Variants in ADGRD1 observed in about 807,000 individuals in gnomAD.
ADGRD1 encodes the protein G-protein coupled receptor 133.
ADGRD1 carries 77 observed loss-of-function variants against 113.4 expected under a neutral mutation model. The ratio of observed to expected loss-of-function variants is 0.68; its 90% CI spans 0.57 to 0.82. The LOEUF is 0.82. ADGRD1 is among the 40% of genes least tolerant of loss of function. The pLI is 0.00. For synonymous variants in ADGRD1, 474 were observed against 475.0 expected (o/e 1.00, Z 0.03); for missense variants, 1,036 against 1,139.1 (o/e 0.91, Z 1.30).
intron 8 of ADGRD1, among the ~76,000 whole-genome samples, chr12:130,996,535 A>C (rs1875395565): frequency 9.2e-6 from 1 of 108,914 alleles, no homozygotes; most frequent in African/African-American, 3.6e-5. Context: ...CGGGGGGCTG[A>C]CCCTCCACCT....
intron 4 of ADGRD1, among the ~76,000 whole-genome samples, chr12:130,976,224 ACT>A (rs34824690): frequency 0.79 from 119,308 of 151,916 alleles, 50,656 homozygotes; most frequent in East Asian, 0.95. Flanking sequence ...GGATCTAGCT[ACT>A]CTCTTACTCA....
rs1032483145 is a variant in ADGRD1 at position 131,140,971 on chromosome 12, G to A, written c.*1708G>A. ...CAGTGAAGAGTCCCATGTTTAGTAT[G>A]GACTAAAGTCCCATGTTTAGCCACT... is the stretch of plus-strand genomic sequence containing the variant. On this transcript the variant is annotated 3_prime_UTR_variant, in exon 25 of 25. Transcript: ENST00000261654. 2 of 152,240 alleles carry A rather than the reference G, an allele frequency of 1.3e-5. No individual in the cohort carries two copies. Among genetic ancestry groups the A allele is most frequent in the African/African-American group, 4.8e-5 (2 of 41,460 alleles). 9.4% of individuals were successfully genotyped at this position (152,240 alleles called of 1,614,324 possible).
intron 3 of ADGRD1, chr12:130,968,800 C>T (rs1871291621): frequency 3.4e-6 from 2 of 588,894 alleles, no homozygotes; most frequent in African/African-American, 1.9e-5. Context: ...GAGCTGCTGA[C>T]CAAAGTAAAC....
intron 13 of ADGRD1, among the ~76,000 whole-genome samples, chr12:131,018,187 C>T (rs1050721579): frequency 7.2e-5 from 11 of 152,128 alleles, no homozygotes; most frequent in Admixed American, 4.6e-4. Context: ...TCCGCTCTCC[C>T]GCCCAGGCAG....
At chr12:130,976,278 T>C (rs1872296035) in intron 4 of ADGRD1, among the ~76,000 whole-genome samples, 1 of 152,148 alleles carries the variant, frequency 6.6e-6, no homozygotes, top group Non-Finnish European at 1.5e-5. Flanking sequence ...GTGGAGCAGA[T>C]GATCCTCAGA....
At chr12:131,010,720 G>A (rs1356967651) in intron 12 of ADGRD1, among the ~76,000 whole-genome samples, 1 of 152,178 alleles carries the variant, frequency 6.6e-6, no homozygotes, top group African/African-American at 2.4e-5. Context: ...GCACATTGAA[G>A]GAAGGCGGAT....
chr12:131,018,013 C>G (rs1878838836), intron 13 of ADGRD1, among the ~76,000 whole-genome samples: 2 of 152,214 alleles, frequency 1.3e-5, no homozygotes, highest in Admixed American at 6.5e-5. Flanking sequence ...CCTCAGTACA[C>G]CACACACACC....
intron 4 of ADGRD1, among the ~76,000 whole-genome samples, chr12:130,980,381 G>A (rs1475146996): frequency 6.6e-6 from 1 of 151,418 alleles, no homozygotes; most frequent in African/African-American, 2.4e-5. Context: ...TGGGATTACA[G>A]GCGTGAGCCA....
chr12:131,107,578 G>T (rs966144794), intron 17 of ADGRD1, among the ~76,000 whole-genome samples: 1 of 152,222 alleles, frequency 6.6e-6, no homozygotes, highest in Non-Finnish European at 1.5e-5. Context: ...GCTCCAGTTG[G>T]TCCTGTTTGA....
chr12:131,031,283 T>C (rs1470261358), intron 13 of ADGRD1, among the ~76,000 whole-genome samples: 1 of 152,240 alleles, frequency 6.6e-6, no homozygotes, highest in Non-Finnish European at 1.5e-5. Context: ...TACTGCGTGC[T>C]GCCCTGGTGC....
intron 13 of ADGRD1, among the ~76,000 whole-genome samples, chr12:131,049,694 G>C (rs1469004694): frequency 1.3e-5 from 2 of 152,160 alleles, no homozygotes; most frequent in Non-Finnish European, 2.9e-5. Flanking sequence ...TGCCGTCTGG[G>C]GTGCGAGCAG....
intron 13 of ADGRD1, among the ~76,000 whole-genome samples, chr12:131,038,875 A>C (rs919081648): frequency 2.0e-5 from 3 of 152,224 alleles, no homozygotes; most frequent in Admixed American, 2.0e-4. Context: ...AAATAATTGC[A>C]AAACATAAAA....
intron 24 of ADGRD1, among the ~76,000 whole-genome samples, chr12:131,138,586 C>T (rs952035566): frequency 1.4e-4 from 22 of 152,330 alleles, no homozygotes; most frequent in African/African-American, 5.1e-4. Flanking sequence ...TTAGGGTTCT[C>T]ACTGTGCCGC....
At position 130,965,246 on chromosome 12, in the gene ADGRD1, C is replaced by A. The variant is rs1870877745; in HGVS notation, c.104-1217C>A. 6.6e-6 allele frequency among the ~76,000 whole-genome samples: 1 copy of A among 152,164 alleles called. No individual in the cohort carries two copies. Among genetic ancestry groups the A allele is most frequent in the Non-Finnish European group, 1.5e-5 (1 of 68,030 alleles). ...TGTATATTAAATTTGTACAAGCCTC[C>A]TTGCTAAATTCTTTTGTTGTTTGTA... On this transcript the variant is annotated intron_variant, in intron 2 of 24. Coordinates refer to ENST00000261654, the MANE Select transcript of ADGRD1 (RefSeq NM_198827.5). This position sits in a 1 kb window ranked among gnomAD's most constrained non-coding sequence, Gnocchi z 4.8.
At chr12:131,011,178 C>A (rs1296091888) in intron 12 of ADGRD1, among the ~76,000 whole-genome samples, 1 of 135,824 alleles carries the variant, frequency 7.4e-6, no homozygotes, top group Non-Finnish European at 1.6e-5. Context: ...CCACCTCACC[C>A]CTGCCCCACC....
At position 131,073,292 on chromosome 12, in the gene ADGRD1, C is replaced by T. The variant is rs75063181; in HGVS notation, c.1474-3509C>T. ...AGGCTGGTTCAAGGTTTTTCCTTGT[C>T]GTATCTCTCCCATTACTTCTGTTAT... is the stretch of plus-strand genomic sequence containing the variant. On this transcript the variant is annotated intron_variant, in intron 13 of 24. Coordinates refer to ENST00000261654, the MANE Select transcript of ADGRD1 (RefSeq NM_198827.5). 3.9e-3 allele frequency among the ~76,000 whole-genome samples: 595 copies of T among 152,316 alleles called. 4 individuals carry two copies. The highest frequency in any genetic ancestry group is 0.013 in the African/African-American group (555 of 41,566).
chr12:131,101,378 T>TTTC (rs1491499031), intron 15 of ADGRD1, among the ~76,000 whole-genome samples: 1 of 9,976 alleles, frequency 1.0e-4, no homozygotes, highest in African/African-American at 2.5e-4. Flanking sequence ...TCTTTCTTTC[T>TTTC]TTTTTTTTTT....
At chr12:131,074,652 C>T (rs768509702) in intron 13 of ADGRD1, among the ~76,000 whole-genome samples, 8 of 152,194 alleles carry the variant, frequency 5.3e-5, no homozygotes, top group Non-Finnish European at 1.0e-4. Context: ...CCTGGGAGCC[C>T]GGGAGGCCCC....
chr12:131,053,484 C>T (rs777735025), intron 13 of ADGRD1, among the ~76,000 whole-genome samples: 18 of 152,186 alleles, frequency 1.2e-4, no homozygotes, highest in Non-Finnish European at 2.5e-4. Flanking sequence ...GAGGACCTGA[C>T]ATGATTTTTG....
Sources: allele counts gnomAD v4.1 joint callset (sites outside exome capture counted in the v4.1 genomes callset), GRCh38; gene constraint gnomAD v4.1.1; non-coding constraint Gnocchi (gnomAD v3.1); transcripts MANE v1.5; gene names NCBI Gene and HGNC (gene_info 2026-07-23, HGNC 2026-07-21).